KIF13A: variants seen among roughly 807,000 people sequenced by gnomAD.
KIF13A encodes kinesin-like protein KIF13A.
Under a neutral mutation model 212.2 loss-of-function variants are expected in KIF13A, and 79 were observed. That is an observed-to-expected ratio of 0.37 (90% CI 0.31 to 0.45). The LOEUF (loss-of-function observed/expected upper bound fraction) is 0.45. KIF13A is among the 20% of genes least tolerant of loss of function. KIF13A has a pLI of 1.00. For missense variants in KIF13A, 1,901 were observed against 2,209.0 expected (o/e 0.86, Z 2.79); for synonymous variants, 789 against 808.6 (o/e 0.98, Z 0.41).
chr6:17,829,538 A>G lies in KIF13A; in HGVS notation c.1402-1168T>C, dbSNP rs1392035121. Among the ~76,000 whole-genome samples the G allele has an allele frequency of 6.6e-6, 1 of 152,144 alleles. No individual in the cohort carries two copies. The highest frequency in any genetic ancestry group is 2.4e-5 in the African/African-American group (1 of 41,412). On this transcript the variant is annotated intron_variant, in intron 13 of 38. Transcript: ENST00000259711. The surrounding 1 kb of genome is among the most constrained non-coding windows in gnomAD (Gnocchi z 5.4). ...CAGTAAACACACTGCACCTGGCCTCATGTGATTTTAAGTACCTGAACCTCA... is the reference window on the plus strand; with the variant it reads ...CAGTAAACACACTGCACCTGGCCTCGTGTGATTTTAAGTACCTGAACCTCA...
chr6:17,788,001 T>G lies in KIF13A; in HGVS notation c.3262-126A>C, dbSNP rs1246896649. ...ATTAGGAAAAGCTGTTGAACATTGC[T>G]GTGTGATTAATATGCAAGAAAGCAG... On this transcript the variant is annotated intron_variant, in intron 26 of 38. Transcript: ENST00000259711. The G allele has an allele frequency of 6.3e-6, 4 of 639,546 alleles. No individual in the cohort carries two copies. The East Asian group carries it at 7.7e-5, about 12-fold the overall frequency. 39.6% of individuals were successfully genotyped at this position (639,546 alleles called of 1,614,324 possible).
At chr6:17,817,881 C>T (rs149794091) in intron 16 of KIF13A, among the ~76,000 whole-genome samples, 20 of 152,316 alleles carry the variant, frequency 1.3e-4, no homozygotes, top group Non-Finnish European at 2.6e-4. Flanking sequence ...GCACAGAGCT[C>T]ACCACCATGC....
At chr6:17,853,547 A>G (rs527492328) in intron 6 of KIF13A, among the ~76,000 whole-genome samples, 2 of 152,302 alleles carry the variant, frequency 1.3e-5, no homozygotes, top group South Asian at 4.1e-4. Context: ...CTGTATAACA[A>G]TGCTTTCAGA....
chr6:17,985,385 T>C (rs1781455286), intron 2 of KIF13A, among the ~76,000 whole-genome samples: 2 of 152,184 alleles, frequency 1.3e-5, no homozygotes, highest in African/African-American at 2.4e-5. Flanking sequence ...TCCACAGTTA[T>C]AGATTGTACC....
rs1242074574 is a variant in KIF13A, at chr6:17,777,382, A to AC, written c.4093-29dup. The AC allele has an allele frequency of 2.1e-6, 3 of 1,419,166 alleles. No individual in the cohort carries two copies. The highest frequency in any genetic ancestry group is 3.8e-5 in the African/African-American group (2 of 52,028). 87.9% of individuals were successfully genotyped at this position (1,419,166 alleles called of 1,614,324 possible). ...GTAAACATAATAATTTGAAAATAACACTTTTTTTTTTTTTCCCCAGAGACA... is the reference window on the plus strand; with the variant it reads ...GTAAACATAATAATTTGAAAATAACACCTTTTTTTTTTTTTCCCCAGAGACA... On this transcript the variant is annotated intron_variant, in intron 33 of 38. Transcript: ENST00000259711. This position sits in a 1 kb window ranked among gnomAD's most constrained non-coding sequence, Gnocchi z 4.4.
intron 2 of KIF13A, among the ~76,000 whole-genome samples, chr6:17,952,977 A>G (rs909776660): frequency 2.0e-5 from 3 of 151,472 alleles, no homozygotes; most frequent in Non-Finnish European, 1.5e-5. Flanking sequence ...GAGGAAGAGG[A>G]GAAGAAGAGA....
At chr6:17,854,030 T>C (rs1309336614) in intron 6 of KIF13A, among the ~76,000 whole-genome samples, 1 of 152,206 alleles carries the variant, frequency 6.6e-6, no homozygotes, top group African/African-American at 2.4e-5. Flanking sequence ...AAATGTTATT[T>C]TGTATGCATT....
chr6:17,795,867 T>G (rs1051284863), intron 23 of KIF13A, among the ~76,000 whole-genome samples: 5 of 152,222 alleles, frequency 3.3e-5, no homozygotes, highest in African/African-American at 1.2e-4. Context: ...TGAGAATATG[T>G]GACTATCTCA....
At position 17,789,773 on chromosome 6, in the gene KIF13A, C is replaced by T. The variant is rs1474106295; in HGVS notation, c.3261+99G>A. On this transcript the variant is annotated intron_variant, in intron 26 of 38. Coordinates refer to ENST00000259711, the MANE Select transcript of KIF13A (RefSeq NM_022113.6). This position sits in a 1 kb window ranked among gnomAD's most constrained non-coding sequence, Gnocchi z 4.8. ...AAGTGAAAAACTGCATATTCTCGCTCTAGGGCCCTCCTTCCTCCTCCCTGG... is the reference window on the plus strand; with the variant it reads ...AAGTGAAAAACTGCATATTCTCGCTTTAGGGCCCTCCTTCCTCCTCCCTGG... The T allele has an allele frequency of 3.3e-6, 3 of 917,316 alleles. No individual in the cohort carries two copies. The highest frequency in any genetic ancestry group is 1.7e-5 in the African/African-American group (1 of 60,538). The allele number at this position is 917,316 out of a possible 1,614,324, so 56.8% of individuals were successfully genotyped here. A position where few individuals can be genotyped will look rare whatever the true frequency, so the allele number is the denominator to read the frequency against.
chr6:17,983,476 A>G (rs1781272671), intron 2 of KIF13A, among the ~76,000 whole-genome samples: 1 of 143,286 alleles, frequency 7.0e-6, no homozygotes, highest in Admixed American at 6.9e-5. Flanking sequence ...CACCCCCAAA[A>G]CTGTCTTGCT....
intron 3 of KIF13A, among the ~76,000 whole-genome samples, chr6:17,885,165 C>T (rs1243177213): frequency 6.6e-6 from 1 of 151,988 alleles, no homozygotes; most frequent in East Asian, 1.9e-4. Flanking sequence ...AGGAACTGGA[C>T]TGAAACTGAA....
chr6:17,790,476 T>C (rs1454491521), intron 25 of KIF13A, among the ~76,000 whole-genome samples: 1 of 152,184 alleles, frequency 6.6e-6, no homozygotes, highest in Non-Finnish European at 1.5e-5. Flanking sequence ...CCAGGCCTTA[T>C]ACCACTGTCA....
chr6:17,945,272 C>A (rs2150561559), intron 2 of KIF13A, among the ~76,000 whole-genome samples: 1 of 152,148 alleles, frequency 6.6e-6, no homozygotes, highest in Admixed American at 6.5e-5. Flanking sequence ...AGAGCACATA[C>A]TGTATGATTC....
chr6:17,923,161 T>A (rs879440867), intron 2 of KIF13A, among the ~76,000 whole-genome samples: 13 of 151,670 alleles, frequency 8.6e-5, no homozygotes, highest in South Asian at 2.1e-4. Flanking sequence ...GTATTCCCAG[T>A]TACTCAGGAG....
rs1379633944 is a variant in KIF13A, at chr6:17,785,757, A to C, written c.3362-116T>G. The stretch of plus-strand genomic sequence containing the variant: ...GTGAGACCCCATCTCTACCAAAAAA[A>C]AAAAAATAGTTGGGCAGGGTGGTGG... On this transcript the variant is annotated intron_variant, in intron 27 of 38. Coordinates refer to ENST00000259711, the MANE Select transcript of KIF13A (RefSeq NM_022113.6). This position sits in a 1 kb window ranked among gnomAD's most constrained non-coding sequence, Gnocchi z 5.8. 3.6e-6 allele frequency: 4 copies of C among 1,108,684 alleles called. No individual in the cohort carries two copies. Among genetic ancestry groups the C allele is most frequent in the Non-Finnish European group, 3.9e-6 (3 of 769,492 alleles). The allele number at this position is 1,108,684 out of a possible 1,614,324, so 68.7% of individuals were successfully genotyped here.
At chr6:17,824,742 CAG>C (rs1377360547) in intron 16 of KIF13A, among the ~76,000 whole-genome samples, 3 of 118,186 alleles carry the variant, frequency 2.5e-5, no homozygotes, top group African/African-American at 6.7e-5. Context: ...GCCTGGGCGA[CAG>C]AGAGAGACTC....
Position 17,849,606 on chromosome 6 carries a change from C to A in KIF13A, c.718-117G>T. The A allele has an allele frequency of 1.6e-6, 1 of 626,344 alleles. No individual in the cohort carries two copies. Among genetic ancestry groups the A allele is most frequent in the Admixed American group, 3.5e-5 (1 of 28,896 alleles). 38.8% of individuals were successfully genotyped at this position (626,344 alleles called of 1,614,324 possible). On this transcript the variant is annotated intron_variant, in intron 8 of 38. Coordinates refer to ENST00000259711, the MANE Select transcript of KIF13A (RefSeq NM_022113.6). The surrounding 1 kb of genome is among the most constrained non-coding windows in gnomAD (Gnocchi z 5.7). ...CATCCCACTCTCATATGGCAAATTTCTTAAGTTTTTAAACGGTCAGAAGAG... is the reference window on the plus strand; with the variant it reads ...CATCCCACTCTCATATGGCAAATTTATTAAGTTTTTAAACGGTCAGAAGAG...
At chr6:17,975,962 C>CAG (rs59173345) in intron 2 of KIF13A, among the ~76,000 whole-genome samples, 33,442 of 151,828 alleles carry the variant, frequency 0.22, 4,209 homozygotes, top group African/African-American at 0.35. Flanking sequence ...TAGCTAGATA[C>CAG]AGTGTCGATT....
At chr6:17,874,442 T>G (rs1770314725) in intron 3 of KIF13A, among the ~76,000 whole-genome samples, 1 of 152,064 alleles carries the variant, frequency 6.6e-6, no homozygotes, top group Middle Eastern at 3.2e-3. Flanking sequence ...TTTTTAAATT[T>G]TAATTTTTTT....
Sources: gnomAD v4.1 joint callset for allele counts (sites outside exome capture counted in the v4.1 genomes callset) on GRCh38, gnomAD v4.1.1 for gene constraint, Gnocchi (gnomAD v3.1) non-coding constraint, MANE v1.5 for transcripts, NCBI Gene and HGNC (gene_info 2026-07-23, HGNC 2026-07-21) for gene names.